UVRAG: variants seen among roughly 807,000 people sequenced by gnomAD.
UVRAG encodes the protein UV radiation resistance associated.
A neutral mutation model predicts 78.0 loss-of-function variants in UVRAG; 19 were observed. The observed-to-expected ratio is 0.24, with a 90% CI of 0.17 to 0.36. UVRAG has a LOEUF of 0.36. Ranked by LOEUF, UVRAG falls within the 10% of genes least tolerant of loss-of-function variation. UVRAG has a pLI of 1.00. For synonymous variants in UVRAG, 323 were observed against 324.6 expected (o/e 1.00, Z 0.05); for missense variants, 740 against 853.8 (o/e 0.87, Z 1.66).
intron 7 of UVRAG, among the ~76,000 whole-genome samples, chr11:75,974,643 G>A (rs1443545945): frequency 6.6e-6 from 1 of 152,172 alleles, no homozygotes; most frequent in Non-Finnish European, 1.5e-5. Flanking sequence ...TGGGATTACA[G>A]GCGTGAGCCA....
At chr11:75,815,780 C>G (rs982064610) in intron 1 of UVRAG, among the ~76,000 whole-genome samples, 32 of 152,150 alleles carry the variant, frequency 2.1e-4, no homozygotes, top group East Asian at 9.7e-4. Flanking sequence ...CCAGCCAGCT[C>G]AAGTCCCTGG....
At chr11:75,829,199 T>C (rs1945601253) in intron 1 of UVRAG, among the ~76,000 whole-genome samples, 1 of 152,164 alleles carries the variant, frequency 6.6e-6, no homozygotes, top group African/African-American at 2.4e-5. Flanking sequence ...CCTTAGCCTC[T>C]GGAGTAGCTG....
Position 76,143,513 on chromosome 11 carries a change from G to C in UVRAG, c.*2100G>C, listed in dbSNP as rs183759297. 1.7e-3 allele frequency among the ~76,000 whole-genome samples: 257 copies of C among 152,366 alleles called. 1 individual carries two copies. Among genetic ancestry groups the C allele is most frequent in the Middle Eastern group, 3.4e-3 (1 of 294 alleles). Reference sequence around the variant, plus strand: ...ACGGCGGGGAGCCCTGCTCTTGAATGTCATCGGGCTGCTCAGAGCTGATTG... The same window carrying C: ...ACGGCGGGGAGCCCTGCTCTTGAATCTCATCGGGCTGCTCAGAGCTGATTG... On this transcript the variant is annotated 3_prime_UTR_variant, in exon 15 of 15. Coordinates refer to ENST00000356136, the MANE Select transcript of UVRAG (RefSeq NM_003369.4).
intron 1 of UVRAG, among the ~76,000 whole-genome samples, chr11:75,844,393 A>AT (rs1945990201): frequency 6.6e-6 from 1 of 151,596 alleles, no homozygotes; most frequent in Non-Finnish European, 1.5e-5. Context: ...CGCCTGGCTA[A>AT]TTTTTTGTAT....
intron 13 of UVRAG, among the ~76,000 whole-genome samples, chr11:76,094,092 C>T (rs868263734): frequency 4.6e-5 from 7 of 152,108 alleles, no homozygotes; most frequent in Non-Finnish European, 1.0e-4. Context: ...TGTCAAAGGC[C>T]TTTTCTGCAT....
At chr11:75,949,714 T>TACACACAC (rs1555093473) in intron 6 of UVRAG, among the ~76,000 whole-genome samples, 33 of 136,872 alleles carry the variant, frequency 2.4e-4, no homozygotes, top group African/African-American at 9.0e-4. Context: ...TATATATATA[T>TACACACAC]ACACACACAC....
intron 12 of UVRAG, among the ~76,000 whole-genome samples, chr11:76,023,534 G>A (rs1360297303): frequency 2.0e-5 from 3 of 152,068 alleles, no homozygotes; most frequent in African/African-American, 7.2e-5. Flanking sequence ...TTCAGACTAG[G>A]TGAGGAACAA....
At chr11:75,990,507 G>A (rs561200743) in intron 8 of UVRAG, among the ~76,000 whole-genome samples, 10 of 152,204 alleles carry the variant, frequency 6.6e-5, no homozygotes, top group South Asian at 2.1e-4. Context: ...TCATACTCTC[G>A]TGGGTTTCTG....
At chr11:76,140,148 T>TCTCTCC (rs1952689639) in intron 14 of UVRAG, among the ~76,000 whole-genome samples, 1 of 105,412 alleles carries the variant, frequency 9.5e-6, no homozygotes, top group Non-Finnish European at 1.8e-5. Flanking sequence ...TCTCTCTCTC[T>TCTCTCC]CCCTCCCTCC....
intron 12 of UVRAG, among the ~76,000 whole-genome samples, chr11:76,057,664 A>G (rs1312853523): frequency 6.6e-6 from 1 of 152,042 alleles, no homozygotes; most frequent in Non-Finnish European, 1.5e-5. Flanking sequence ...CATTACCATC[A>G]ACAGTTAAAA....
In UVRAG at chr11:76,140,812, A is replaced by G; in HGVS notation, c.1499A>G (p.Asp500Gly). 6.2e-7 allele frequency: 1 copy of G among 1,614,170 alleles called. No homozygotes were observed. The highest frequency in any genetic ancestry group is 8.5e-7 in the Non-Finnish European group (1 of 1,180,032). Residue 500 changes from aspartate to glycine, a missense_variant, in exon 15 of 15, where the codon GAC (aspartate) becomes GGC (glycine). Asp to Gly is a moderately conservative substitution (Grantham distance 94). Coordinates refer to ENST00000356136, the MANE Select transcript of UVRAG (RefSeq NM_003369.4). The part of the protein sequence containing the change: ...VGFSGGIPSP[D>G]KGHRKRASSE... ...TTCTCTGGGGGGATCCCTTCACCAGACAAAGGACATCGAAAACGGGCCAGC... is the reference window on the plus strand; with the variant it reads ...TTCTCTGGGGGGATCCCTTCACCAGGCAAAGGACATCGAAAACGGGCCAGC...
At chr11:76,040,580 G>A (rs1290744161) in intron 12 of UVRAG, among the ~76,000 whole-genome samples, 1 of 151,700 alleles carries the variant, frequency 6.6e-6, no homozygotes, top group Non-Finnish European at 1.5e-5. Flanking sequence ...GGGCGGGGAC[G>A]GAGTTTTGCT....
intron 8 of UVRAG, among the ~76,000 whole-genome samples, chr11:75,995,856 A>G (rs1949696726): frequency 6.6e-6 from 1 of 152,096 alleles, no homozygotes; most frequent in Admixed American, 6.6e-5. Context: ...TTAAATAACC[A>G]TCTGACAGAA....
At chr11:75,996,237 A>G (rs1296918544) in intron 8 of UVRAG, among the ~76,000 whole-genome samples, 2 of 43,126 alleles carry the variant, frequency 4.6e-5, no homozygotes. Context: ...CACTGGAAGT[A>G]ACATTTACAA....
chr11:76,061,495 C>T (rs1951093476), intron 12 of UVRAG, among the ~76,000 whole-genome samples: 1 of 152,118 alleles, frequency 6.6e-6, no homozygotes, highest in Non-Finnish European at 1.5e-5. Context: ...CTCTTTGGGT[C>T]CACACTGTGT....
intron 14 of UVRAG, among the ~76,000 whole-genome samples, chr11:76,124,249 TTAAG>T (rs764164691): frequency 8.5e-5 from 13 of 152,388 alleles, no homozygotes; most frequent in African/African-American, 2.6e-4. Context: ...TGACAATTCA[TTAAG>T]TGTCTATTCT....
At chr11:75,911,793 T>C (rs1320871077) in intron 5 of UVRAG, among the ~76,000 whole-genome samples, 161 bp from the exon 6 acceptor site, 2 of 152,236 alleles carry the variant, frequency 1.3e-5, no homozygotes, top group African/African-American at 4.8e-5. Flanking sequence ...AAGGTTAGGC[T>C]TCTATTACAT....
chr11:76,067,510 A>G (rs1344352384), intron 13 of UVRAG, among the ~76,000 whole-genome samples: 1 of 152,040 alleles, frequency 6.6e-6, no homozygotes, highest in Non-Finnish European at 1.5e-5. Flanking sequence ...TAATCCCGGT[A>G]CTTTGGGAGG....
intron 12 of UVRAG, among the ~76,000 whole-genome samples, chr11:76,022,920 C>G (rs1268818724): frequency 6.6e-6 from 1 of 151,856 alleles, no homozygotes; most frequent in Non-Finnish European, 1.5e-5. Flanking sequence ...ATTTCCTTTT[C>G]TGTGTATTTT....
Sources: allele counts gnomAD v4.1 joint callset (sites outside exome capture counted in the v4.1 genomes callset), GRCh38; gene constraint gnomAD v4.1.1; transcripts MANE v1.5; gene names NCBI Gene and HGNC (gene_info 2026-07-23, HGNC 2026-07-21).